Variants in IGSF3 observed in about 807,000 individuals in gnomAD.
IGSF3 encodes the protein glu-Trp-Ile EWI motif-containing protein 3.
In IGSF3, 23 loss-of-function variants were observed where a neutral mutation model predicts 114.4. The observed-to-expected ratio is 0.20, with a 90% CI of 0.14 to 0.28. IGSF3 has a LOEUF of 0.28. IGSF3 is among the 10% of genes least tolerant of loss of function. IGSF3 has a pLI of 1.00. For missense variants in IGSF3, 1,172 were observed against 1,591.5 expected (o/e 0.74, Z 4.48); for synonymous variants, 571 against 645.2 (o/e 0.88, Z 1.74).
rs945096133 is a variant in IGSF3, at chr1:116,624,137, G to A, written c.44-7680C>T. ...GAGGATCCCTCGAGCCTGGGAGGCC[G>A]AGGCTGCCGTGAACAATGATTGTGC... On this transcript the variant is annotated intron_variant, in intron 2 of 10. Coordinates refer to ENST00000369486, the MANE Select transcript of IGSF3 (RefSeq NM_001007237.3). The surrounding 1 kb of genome is among the most constrained non-coding windows in gnomAD (Gnocchi z 4.9). Among the ~76,000 whole-genome samples the A allele has an allele frequency of 2.0e-5, 3 of 151,144 alleles. No homozygotes were observed. Among genetic ancestry groups the A allele is most frequent in the Non-Finnish European group, 4.4e-5 (3 of 67,850 alleles).
chr1:116,581,167 AG>A (rs917440219), intron 9 of IGSF3, among the ~76,000 whole-genome samples: 5 of 152,146 alleles, frequency 3.3e-5, no homozygotes, highest in Non-Finnish European at 7.3e-5. Flanking sequence ...CAAGGCTGAA[AG>A]GGCCCTTCCC....
rs1462516783 is a variant in IGSF3, at chr1:116,648,991, C to A, written c.43+17293G>T. Among the ~76,000 whole-genome samples, 1 of 152,184 alleles carries A rather than the reference C, an allele frequency of 6.6e-6. No homozygotes were observed. The highest frequency in any genetic ancestry group is 2.4e-5 in the African/African-American group (1 of 41,440). On this transcript the variant is annotated intron_variant, in intron 2 of 10. Coordinates refer to ENST00000369486, the MANE Select transcript of IGSF3 (RefSeq NM_001007237.3). The surrounding 1 kb of genome is among the most constrained non-coding windows in gnomAD (Gnocchi z 4.7). The stretch of plus-strand genomic sequence containing the variant: ...CAAGCTCCAGCCCATTGACAGCAGA[C>A]CCCTGAGCAAATCAAGTCAGGAGAA...
chr1:116,651,156 G>A lies in IGSF3; in HGVS notation c.43+15128C>T, dbSNP rs1648619750. Among the ~76,000 whole-genome samples, 1 of 152,230 alleles carries A rather than the reference G, an allele frequency of 6.6e-6. No individual in the cohort carries two copies. Among genetic ancestry groups the A allele is most frequent in the Non-Finnish European group, 1.5e-5 (1 of 68,036 alleles). On this transcript the variant is annotated intron_variant, in intron 2 of 10. Transcript: ENST00000369486. This position sits in a 1 kb window ranked among gnomAD's most constrained non-coding sequence, Gnocchi z 4.4. Reference sequence around the variant, plus strand: ...AGACTCACACAAATCTGTGGAATGAGTGCATGATCTCATGAGCTCTGGTCT... The same window carrying A: ...AGACTCACACAAATCTGTGGAATGAATGCATGATCTCATGAGCTCTGGTCT...
chr1:116,645,308 C>A (rs1249594302), intron 2 of IGSF3, among the ~76,000 whole-genome samples: 2 of 152,208 alleles, frequency 1.3e-5, no homozygotes, highest in East Asian at 3.8e-4. Context: ...CAGTGCAAAA[C>A]TGTAGTGGCA....
Position 116,594,890 on chromosome 1 carries a change from C to A in IGSF3, c.2029+5051G>T, listed in dbSNP as rs1660274431. Among the ~76,000 whole-genome samples, 1 of 152,144 alleles carries A rather than the reference C, an allele frequency of 6.6e-6. No homozygotes were observed. The highest frequency in any genetic ancestry group is 6.5e-5 in the Admixed American group (1 of 15,284). On this transcript the variant is annotated intron_variant, in intron 7 of 10. Coordinates refer to ENST00000369486, the MANE Select transcript of IGSF3 (RefSeq NM_001007237.3). The surrounding 1 kb of genome is among the most constrained non-coding windows in gnomAD (Gnocchi z 5.2). ...CCCAACCTCCCACCCTCACCCCTAC[C>A]CCATTCCCTCCTCACGCCCCCTGCC...
chr1:116,635,950 C>G (rs1034131385), intron 2 of IGSF3, among the ~76,000 whole-genome samples: 2 of 152,220 alleles, frequency 1.3e-5, no homozygotes, highest in African/African-American at 4.8e-5. Flanking sequence ...AAATCCTTAA[C>G]TCATCTTTGT....
At chr1:116,580,924 T>C (rs1434730212) in intron 9 of IGSF3, among the ~76,000 whole-genome samples, 1 of 152,220 alleles carries the variant, frequency 6.6e-6, no homozygotes, top group African/African-American at 2.4e-5. Context: ...ATGGGGAGCA[T>C]GGCTATGATG....
intron 2 of IGSF3, among the ~76,000 whole-genome samples, chr1:116,660,523 G>A (rs966550914): frequency 6.2e-5 from 8 of 128,788 alleles, no homozygotes; most frequent in Admixed American, 2.9e-4. Context: ...CTTGCTCTGT[G>A]GCCCAGTCTG....
rs746948495 is a variant in IGSF3, at chr1:116,588,584, T to C, written c.2440+110A>G. The C allele has an allele frequency of 4.9e-6, 5 of 1,015,378 alleles. No homozygotes were observed. The highest frequency in any genetic ancestry group is 7.2e-6 in the Non-Finnish European group (5 of 696,498). 62.9% of individuals were successfully genotyped at this position (1,015,378 alleles called of 1,614,324 possible). A position where few individuals can be genotyped will look rare whatever the true frequency, so the allele number is the denominator to read the frequency against. On this transcript the variant is annotated intron_variant, in intron 8 of 10. Transcript: ENST00000369486. The surrounding 1 kb of genome is among the most constrained non-coding windows in gnomAD (Gnocchi z 4.9). ...CGTGTACCTGCACCCATACTCAGCA[T>C]GCACCTTGCAGACAGTCTCTCCACA...
In IGSF3 at chr1:116,579,685, TCC is replaced by T; in HGVS notation, c.3039_3040del (p.Glu1014GlyfsTer145). On this transcript the variant is annotated frameshift_variant, in exon 10 of 11. Coordinates refer to ENST00000369486, the MANE Select transcript of IGSF3 (RefSeq NM_001007237.3). LOFTEE classifies it high-confidence loss of function. This position sits in a 1 kb window ranked among gnomAD's most constrained non-coding sequence, Gnocchi z 6.4. Reference sequence around the variant, plus strand: ...GTCGTCGTCCTCCTCCTCCTCCTCCTCCCTTTCCTCTTCCTGTTCTTCCAGGC... The same window carrying T: ...GTCGTCGTCCTCCTCCTCCTCCTCCTCTTTCCTCTTCCTGTTCTTCCAGGC... 1 of 1,546,730 alleles carries T rather than the reference TCC, an allele frequency of 6.5e-7. No individual in the cohort carries two copies. The highest frequency in any genetic ancestry group is 8.8e-7 in the Non-Finnish European group (1 of 1,137,678).
At chr1:116,635,771 A>C (rs1647799403) in intron 2 of IGSF3, among the ~76,000 whole-genome samples, 1 of 152,338 alleles carries the variant, frequency 6.6e-6, no homozygotes, top group Non-Finnish European at 1.5e-5. Context: ...CAAACTCATA[A>C]AGCATTTCAA....
In IGSF3 at chr1:116,664,717, G is replaced by A. The variant is rs1219273977; in HGVS notation, c.43+1567C>T. ...CTTCTTGACTCTGCCTGAGCATACA[G>A]GTGACATGGAGACACTGCCTGTATC... On this transcript the variant is annotated intron_variant, in intron 2 of 10. Transcript: ENST00000369486. This position sits in a 1 kb window ranked among gnomAD's most constrained non-coding sequence, Gnocchi z 4.6. Among the ~76,000 whole-genome samples the A allele has an allele frequency of 2.0e-5, 3 of 152,202 alleles. No homozygotes were observed. The highest frequency in any genetic ancestry group is 7.2e-5 in the African/African-American group (3 of 41,444).
chr1:116,627,215 T>C lies in IGSF3; in HGVS notation c.44-10758A>G, dbSNP rs1045260828. Among the ~76,000 whole-genome samples, 4 of 152,008 alleles carry C rather than the reference T, an allele frequency of 2.6e-5. No homozygotes were observed. Among genetic ancestry groups the C allele is most frequent in the African/African-American group, 9.7e-5 (4 of 41,352 alleles). ...AGGCTCAGTGAACCGCAGCTTAGAG[T>C]GAGTTCCAGTAAAAGGACCATCACT... On this transcript the variant is annotated intron_variant, in intron 2 of 10. Coordinates refer to ENST00000369486, the MANE Select transcript of IGSF3 (RefSeq NM_001007237.3). This position sits in a 1 kb window ranked among gnomAD's most constrained non-coding sequence, Gnocchi z 4.7.
rs1338822226 is a variant in IGSF3, at chr1:116,632,677, G to A, written c.44-16220C>T. ...GCTCTGGAGGGGAGAAAGAGAGGCT[G>A]TACTCATTAACTCAGAGCTGACCTC... On this transcript the variant is annotated intron_variant, in intron 2 of 10. Transcript: ENST00000369486. The surrounding 1 kb of genome is among the most constrained non-coding windows in gnomAD (Gnocchi z 5.1). 1.3e-5 allele frequency among the ~76,000 whole-genome samples: 2 copies of A among 152,302 alleles called. No homozygotes were observed. The highest frequency in any genetic ancestry group is 3.9e-4 in the East Asian group (2 of 5,182).
rs762246417 is a variant in IGSF3 at position 116,613,826 on chromosome 1, C to T, written c.771G>A (p.Gly257=). The part of the protein sequence containing the change: ...EAAEWIQDPD[G]SWYAMTRKRS... ...GCTTTCGGGTCATAGCATACCACGA[C>T]CCATCCGGATCCTGGATCCACTCGG... The change falls in exon 4 of 11, where the codon GGG becomes GGA. Residue 257 remains glycine (G), a synonymous_variant. Coordinates refer to ENST00000369486, the MANE Select transcript of IGSF3 (RefSeq NM_001007237.3). 5 of 1,613,964 alleles carry T rather than the reference C, an allele frequency of 3.1e-6. No individual in the cohort carries two copies. The highest frequency in any genetic ancestry group is 3.4e-6 in the Non-Finnish European group (4 of 1,179,846).
At chr1:116,641,495 CAAAAAAAAAA>C (rs57930787) in intron 2 of IGSF3, among the ~76,000 whole-genome samples, 4 of 40,700 alleles carry the variant, frequency 9.8e-5, no homozygotes, top group Non-Finnish European at 1.9e-4. Flanking sequence ...GACTCTGTCT[CAAAAAAAAAA>C]AAAAAAAAAA....
intron 4 of IGSF3, among the ~76,000 whole-genome samples, chr1:116,611,532 G>A (rs185583739): frequency 5.9e-5 from 9 of 152,044 alleles, no homozygotes; most frequent in Non-Finnish European, 8.8e-5. Flanking sequence ...TTGGGGCTTC[G>A]GGGTCCCTTT....
rs915124402 is a variant in IGSF3 at position 116,633,235 on chromosome 1, G to C, written c.44-16778C>G. Among the ~76,000 whole-genome samples the C allele has an allele frequency of 1.3e-5, 2 of 152,156 alleles. No individual in the cohort carries two copies. Among genetic ancestry groups the C allele is most frequent in the African/African-American group, 4.8e-5 (2 of 41,422 alleles). On this transcript the variant is annotated intron_variant, in intron 2 of 10. Coordinates refer to ENST00000369486, the MANE Select transcript of IGSF3 (RefSeq NM_001007237.3). The surrounding 1 kb of genome is among the most constrained non-coding windows in gnomAD (Gnocchi z 4.3). ...CTGGGTTCAACCATTCCCACCCACT[G>C]CCGGATCAAGCACTTCCCACCTCCT...
In IGSF3 at chr1:116,636,054, T is replaced by A. The variant is rs1304467242; in HGVS notation, c.44-19597A>T. On this transcript the variant is annotated intron_variant, in intron 2 of 10. Transcript: ENST00000369486. The surrounding 1 kb of genome is among the most constrained non-coding windows in gnomAD (Gnocchi z 4.5). The stretch of plus-strand genomic sequence containing the variant: ...CCTGAACACCCTTTCCCAGTACACC[T>A]CCACTCGCCAGAACAACTGTCTTCC... Among the ~76,000 whole-genome samples, 1 of 152,134 alleles carries A rather than the reference T, an allele frequency of 6.6e-6. No homozygotes were observed. Among genetic ancestry groups the A allele is most frequent in the East Asian group, 1.9e-4 (1 of 5,184 alleles).
Sources: allele counts gnomAD v4.1 joint callset (sites outside exome capture counted in the v4.1 genomes callset), GRCh38; gene constraint gnomAD v4.1.1; non-coding constraint Gnocchi (gnomAD v3.1); transcripts MANE v1.5; gene names NCBI Gene and HGNC (gene_info 2026-07-23, HGNC 2026-07-21).